Variants in MDGA2 observed in about 807,000 individuals in gnomAD.
The protein encoded by MDGA2 is MAM domain-containing glycosylphosphatidylinositol anchor protein 2.
MDGA2 carries 40 observed loss-of-function variants against 117.8 expected under a neutral mutation model. The ratio of observed to expected loss-of-function variants is 0.34; its 90% CI spans 0.26 to 0.44. The LOEUF is 0.44. Ranked by LOEUF, MDGA2 falls within the 20% of genes least tolerant of loss-of-function variation. The probability of loss-of-function intolerance (pLI) is 1.00; values close to 1 mark genes in which losing one functional copy is unlikely to be tolerated. For synonymous variants in MDGA2, 452 were observed against 439.0 expected (o/e 1.03, Z -0.37); for missense variants, 1,123 against 1,250.6 (o/e 0.90, Z 1.54).
At chr14:47,463,524 T>C (rs1179189409) in intron 1 of MDGA2, among the ~76,000 whole-genome samples, 1 of 152,138 alleles carries the variant, frequency 6.6e-6, no homozygotes, top group Non-Finnish European at 1.5e-5. Context: ...ATAAAGTCAA[T>C]TGGGTTTCAT....
At chr14:47,546,351 G>C (rs1349561844) in intron 1 of MDGA2, among the ~76,000 whole-genome samples, 3 of 152,242 alleles carry the variant, frequency 2.0e-5, no homozygotes, top group African/African-American at 7.2e-5. Flanking sequence ...AGGGGGTCAG[G>C]TGGTTGCTCT....
At chr14:47,243,911 C>G (rs1887153799) in intron 2 of MDGA2, among the ~76,000 whole-genome samples, 1 of 151,818 alleles carries the variant, frequency 6.6e-6, no homozygotes, top group African/African-American at 2.4e-5. Flanking sequence ...ATTATTCTCT[C>G]TGGGTCTTAG....
intron 1 of MDGA2, among the ~76,000 whole-genome samples, chr14:47,366,772 A>G (rs1031368295): frequency 1.5e-4 from 22 of 151,418 alleles, no homozygotes; most frequent in African/African-American, 5.4e-4. Flanking sequence ...ATTTCTTTAG[A>G]AGCACTTAAA....
intron 3 of MDGA2, among the ~76,000 whole-genome samples, chr14:47,185,038 T>C (rs1464361872): frequency 6.6e-6 from 1 of 151,274 alleles, no homozygotes; most frequent in Non-Finnish European, 1.5e-5. Flanking sequence ...ATGTCAAATA[T>C]GTTTAACTTG....
At position 47,674,749 on chromosome 14, in the gene MDGA2, G is replaced by A. The variant is rs1258060129; in HGVS notation, c.48C>T (p.Arg16=). ...AGCGCCGTCCGTCTGTCCTTCCCCGGCGGCGGCGGCGAGCGGAGCGCAGGA... is the reference window on the plus strand; with the variant it reads ...AGCGCCGTCCGTCTGTCCTTCCCCGACGGCGGCGGCGAGCGGAGCGCAGGA... The part of the protein sequence containing the change: ...AGLLRSARRR[R]RGRTDGRRFL... The change falls in exon 1 of 17, where the codon CGC becomes CGT. Residue 16 remains arginine, a synonymous_variant. Coordinates refer to ENST00000399232, the MANE Select transcript of MDGA2 (RefSeq NM_001113498.3). 1 of 723,272 alleles carries A rather than the reference G, an allele frequency of 1.4e-6. No individual in the cohort carries two copies. Among genetic ancestry groups the A allele is most frequent in the South Asian group, 1.5e-5 (1 of 66,820 alleles). The allele number at this position is 723,272 out of a possible 1,614,324, so 44.8% of individuals were successfully genotyped here.
intron 5 of MDGA2, among the ~76,000 whole-genome samples, chr14:47,105,932 C>G (rs889741477): frequency 8.9e-5 from 13 of 145,894 alleles, no homozygotes; most frequent in African/African-American, 1.8e-4. Context: ...ATCACCTCCC[C>G]TCCTCACACC....
At chr14:47,224,587 C>G (rs1886416662) in intron 2 of MDGA2, among the ~76,000 whole-genome samples, 1 of 152,100 alleles carries the variant, frequency 6.6e-6, no homozygotes, top group South Asian at 2.1e-4. Context: ...GCCAGATGTA[C>G]TCATGTCAAT....
intron 10 of MDGA2, among the ~76,000 whole-genome samples, chr14:46,912,939 C>T (rs1026798161): frequency 6.6e-6 from 1 of 152,150 alleles, no homozygotes; most frequent in African/African-American, 2.4e-5. Context: ...TTACAACTGA[C>T]ATATGGCTTA....
chr14:47,326,686 T>TACACACAC (rs34047797), intron 1 of MDGA2, among the ~76,000 whole-genome samples: 2 of 148,254 alleles, frequency 1.3e-5, no homozygotes, highest in Non-Finnish European at 3.0e-5. Context: ...TAAGATAGTA[T>TACACACAC]ACACACACAC....
At chr14:47,668,057 A>G (rs1898008359) in intron 1 of MDGA2, among the ~76,000 whole-genome samples, 1 of 152,246 alleles carries the variant, frequency 6.6e-6, no homozygotes, top group African/African-American at 2.4e-5. Flanking sequence ...TGTTTATAAT[A>G]GTTGAAATCC....
rs1890122183 is a variant in MDGA2 at position 47,067,327 on chromosome 14, C to A, written c.1196-5749G>T. ...GAGAATAAAGTTTGGGAAACAATGA[C>A]CTAAGAAAATCTGCCAGTCGAAGAG... On this transcript the variant is annotated intron_variant, in intron 6 of 16. Coordinates refer to ENST00000399232, the MANE Select transcript of MDGA2 (RefSeq NM_001113498.3). 3.3e-5 allele frequency among the ~76,000 whole-genome samples: 5 copies of A among 152,214 alleles called. No homozygotes were observed. The South Asian group carries it at 1.0e-3, about 32-fold the overall frequency.
At chr14:47,363,954 C>T (rs1341560400) in intron 1 of MDGA2, among the ~76,000 whole-genome samples, 1 of 151,992 alleles carries the variant, frequency 6.6e-6, no homozygotes, top group Non-Finnish European at 1.5e-5. Context: ...GAACTATATA[C>T]CTTAAAGTGT....
chr14:47,317,708 T>A (rs1196355755), intron 1 of MDGA2, among the ~76,000 whole-genome samples: 1 of 152,046 alleles, frequency 6.6e-6, no homozygotes, highest in Non-Finnish European at 1.5e-5. Flanking sequence ...ACCACAAGAC[T>A]GTCCCTATGC....
At chr14:46,878,178 C>T (rs965618875) in intron 11 of MDGA2, among the ~76,000 whole-genome samples, 1 of 151,808 alleles carries the variant, frequency 6.6e-6, no homozygotes, top group African/African-American at 2.4e-5. Context: ...ATTATATTTG[C>T]AATACAAGTG....
chr14:47,248,780 A>C (rs923737235), intron 2 of MDGA2, among the ~76,000 whole-genome samples: 4 of 152,178 alleles, frequency 2.6e-5, no homozygotes, highest in Admixed American at 2.6e-4. Context: ...GTAATTTTAA[A>C]ATTTTTGTTG....
intron 1 of MDGA2, among the ~76,000 whole-genome samples, chr14:47,614,676 G>A (rs1461902728): frequency 1.3e-5 from 2 of 152,148 alleles, no homozygotes; most frequent in East Asian, 1.9e-4. Flanking sequence ...GATCTAAATC[G>A]CTATCTGATC....
chr14:47,043,739 A>C (rs992784755), intron 7 of MDGA2, among the ~76,000 whole-genome samples: 1 of 152,072 alleles, frequency 6.6e-6, no homozygotes, highest in Non-Finnish European at 1.5e-5. Flanking sequence ...CTCTCTATTC[A>C]ATTGAGGCTG....
At chr14:47,500,948 TAG>T (rs1163772104) in intron 1 of MDGA2, among the ~76,000 whole-genome samples, 3 of 152,250 alleles carry the variant, frequency 2.0e-5, no homozygotes, top group Non-Finnish European at 4.4e-5. Context: ...GAAATAATAA[TAG>T]ATCTAGGTAA....
At chr14:47,534,987 GA>G (rs1895179170) in intron 1 of MDGA2, among the ~76,000 whole-genome samples, 1 of 152,096 alleles carries the variant, frequency 6.6e-6, no homozygotes, top group South Asian at 2.1e-4. Context: ...TAAATCCTAG[GA>G]AAATCCAGAT....
Sources: gnomAD v4.1 joint callset for allele counts (sites outside exome capture counted in the v4.1 genomes callset) on GRCh38, gnomAD v4.1.1 for gene constraint, MANE v1.5 for transcripts, NCBI Gene and HGNC (gene_info 2026-07-23, HGNC 2026-07-21) for gene names.